The following TPH2 variants were observed in gnomAD, a reference collection of about 807,000 sequenced individuals.
TPH2 encodes the protein tryptophan 5-hydroxylase 2.
TPH2 carries 27 observed loss-of-function variants against 59.1 expected under a neutral mutation model. The ratio of observed to expected loss-of-function variants is 0.46; its 90% CI spans 0.34 to 0.63. The LOEUF (loss-of-function observed/expected upper bound fraction) is 0.63, where lower values mean the gene tolerates loss of function less well. Among genes scored for constraint, TPH2 ranks in the 30% least tolerant of loss-of-function variants. The pLI is 0.01. For synonymous variants in TPH2, 220 were observed against 210.5 expected (o/e 1.05, Z -0.39); for missense variants, 523 against 588.3 (o/e 0.89, Z 1.15).
intron 8 of TPH2, among the ~76,000 whole-genome samples, chr12:72,006,062 C>T (rs1470553180): frequency 2.6e-5 from 4 of 152,160 alleles, no homozygotes; most frequent in Non-Finnish European, 5.9e-5. Context: ...GTGAACTCTA[C>T]TATATATGAC....
intron 8 of TPH2, among the ~76,000 whole-genome samples, chr12:71,996,429 T>C (rs935847153): frequency 3.3e-5 from 5 of 152,250 alleles, no homozygotes; most frequent in Non-Finnish European, 5.9e-5. Context: ...TATTTGTGGA[T>C]ATATTTTAAA....
At chr12:71,945,681 A>T (rs1240053744) in intron 4 of TPH2, among the ~76,000 whole-genome samples, 3 of 152,128 alleles carry the variant, frequency 2.0e-5, no homozygotes, top group Non-Finnish European at 4.4e-5. Flanking sequence ...CCCGCCCTTA[A>T]GTTTGAGAAC....
chr12:72,000,593 C>T (rs1024990840), intron 8 of TPH2, among the ~76,000 whole-genome samples: 1 of 152,134 alleles, frequency 6.6e-6, no homozygotes, highest in Admixed American at 6.5e-5. Context: ...CATGCAGATC[C>T]ATTAGACAAT....
chr12:71,979,095 C>A lies in TPH2; in HGVS notation c.941+8C>A, dbSNP rs758264604. The A allele has an allele frequency of 1.9e-6, 3 of 1,614,062 alleles. No individual in the cohort carries two copies. The South Asian group carries it at 3.3e-5, about 18-fold the overall frequency. ...CCTCTACACCCCAGAACCGTGAGTACCTACATTAAAGCCCAGGCCACCACA... is the reference window on the plus strand; with the variant it reads ...CCTCTACACCCCAGAACCGTGAGTAACTACATTAAAGCCCAGGCCACCACA... On this transcript the variant is annotated splice_region_variant and intron_variant, in intron 7 of 10. Coordinates refer to ENST00000333850, the MANE Select transcript of TPH2 (RefSeq NM_173353.4).
At chr12:72,026,491 G>A (rs964554254) in intron 9 of TPH2, among the ~76,000 whole-genome samples, 2 of 152,156 alleles carry the variant, frequency 1.3e-5, no homozygotes, top group African/African-American at 4.8e-5. Context: ...ATTAGTGCTA[G>A]TCTGTATAGA....
At chr12:71,994,590 C>G (rs761981064) in intron 8 of TPH2, 25 bp downstream of exon 8, 1 of 1,613,108 alleles carries the variant, frequency 6.2e-7, no homozygotes, top group Non-Finnish European at 8.5e-7. Context: ...AACTTAAAAC[C>G]AGTGCTATTT....
intron 8 of TPH2, among the ~76,000 whole-genome samples, chr12:71,999,816 G>C (rs760258075): frequency 3.9e-5 from 6 of 152,170 alleles, no homozygotes; most frequent in Non-Finnish European, 8.8e-5. Flanking sequence ...TCAATTCTCT[G>C]TCCTTATATC....
intron 7 of TPH2, among the ~76,000 whole-genome samples, chr12:71,991,797 A>G (rs1045376320): frequency 6.6e-6 from 1 of 152,208 alleles, no homozygotes; most frequent in Non-Finnish European, 1.5e-5. Context: ...ACCTTTAATT[A>G]TTCTTCAGTA....
intron 8 of TPH2, among the ~76,000 whole-genome samples, chr12:72,021,150 C>T (rs1873401795): frequency 6.6e-6 from 1 of 152,148 alleles, no homozygotes. Context: ...GTCAGCATCT[C>T]ACTTTTCTTT....
chr12:71,982,860 AT>A (rs1264195289), intron 7 of TPH2, among the ~76,000 whole-genome samples: 1 of 152,190 alleles, frequency 6.6e-6, no homozygotes, highest in Non-Finnish European at 1.5e-5. Flanking sequence ...AAAGAATTTT[AT>A]TTTCCCTTTC....
chr12:71,959,080 C>T (rs1435531771), intron 5 of TPH2, among the ~76,000 whole-genome samples: 3 of 149,172 alleles, frequency 2.0e-5, no homozygotes, highest in Non-Finnish European at 4.4e-5. Flanking sequence ...TTTTTTTACC[C>T]TCCTCTTCCT....
At chr12:71,981,226 G>C (rs1186829276) in intron 7 of TPH2, among the ~76,000 whole-genome samples, 1 of 152,216 alleles carries the variant, frequency 6.6e-6, no homozygotes, top group Non-Finnish European at 1.5e-5. Flanking sequence ...GCATACATGT[G>C]CAAGGCTTGT....
At chr12:72,021,883 G>C (rs1873429623) in intron 8 of TPH2, among the ~76,000 whole-genome samples, 1 of 152,050 alleles carries the variant, frequency 6.6e-6, no homozygotes, top group African/African-American at 2.4e-5. Context: ...TTGCTTTCTT[G>C]GTTGCTCTCT....
chr12:71,972,582 C>G lies in TPH2; in HGVS notation c.672C>G (p.Phe224Leu). The change falls in exon 6 of 11, where the codon TTC becomes TTG. Residue 224 changes from phenylalanine to leucine, a missense_variant. Coordinates refer to ENST00000333850, the MANE Select transcript of TPH2 (RefSeq NM_173353.4). ...EEETKTWGVV[F>L]RELSKLYPTH... is the part of the protein sequence containing the mutation. Reference sequence around the variant, plus strand: ...AAACTAAAACTTGGGGTGTTGTATTCCGGGAGCTCTCCAAACTCTATCCCA... The same window carrying G: ...AAACTAAAACTTGGGGTGTTGTATTGCGGGAGCTCTCCAAACTCTATCCCA... 1 of 1,614,118 alleles carries G rather than the reference C, an allele frequency of 6.2e-7. No individual in the cohort carries two copies. The highest frequency in any genetic ancestry group is 8.5e-7 in the Non-Finnish European group (1 of 1,180,012).
intron 4 of TPH2, among the ~76,000 whole-genome samples, chr12:71,947,272 T>A (rs562089178): frequency 6.6e-6 from 1 of 152,222 alleles, no homozygotes; most frequent in East Asian, 1.9e-4. Flanking sequence ...CCAGGTTTGA[T>A]GTATTATTTA....
intron 7 of TPH2, among the ~76,000 whole-genome samples, chr12:71,982,773 C>A (rs1047605916): frequency 6.6e-6 from 1 of 152,092 alleles, no homozygotes; most frequent in African/African-American, 2.4e-5. Context: ...GTGGAGGCTG[C>A]GCTAATGAGA....
intron 8 of TPH2, among the ~76,000 whole-genome samples, chr12:72,013,902 G>A (rs1305069061): frequency 6.6e-6 from 1 of 151,776 alleles, no homozygotes; most frequent in African/African-American, 2.4e-5. Flanking sequence ...GTGGTAAAGG[G>A]GTGAGAGTGG....
chr12:71,992,745 C>T lies in TPH2; in HGVS notation c.942-1694C>T, dbSNP rs150665294. Among the ~76,000 whole-genome samples, 794 of 152,198 alleles carry T rather than the reference C, an allele frequency of 5.2e-3. 10 individuals carry two copies. Among genetic ancestry groups the T allele is most frequent in the African/African-American group, 0.018 (762 of 41,516 alleles). On this transcript the variant is annotated intron_variant, in intron 7 of 10. Transcript: ENST00000333850. ...ATATTTATTATTCCTTTATAAAACA[C>T]GTAAGGAAAGATTCAGTTACCAATG... is the stretch of plus-strand genomic sequence containing the variant.
chr12:72,026,333 G>A (rs917019852), intron 9 of TPH2, among the ~76,000 whole-genome samples: 4 of 152,028 alleles, frequency 2.6e-5, no homozygotes, highest in African/African-American at 4.8e-5. Flanking sequence ...TTTGGCTTTA[G>A]TTTTAGGATA....
Sources: gnomAD v4.1 joint callset for allele counts (sites outside exome capture counted in the v4.1 genomes callset) on GRCh38, gnomAD v4.1.1 for gene constraint, MANE v1.5 for transcripts, NCBI Gene and HGNC (gene_info 2026-07-23, HGNC 2026-07-21) for gene names.